CKAP5: variants seen among roughly 807,000 people sequenced by gnomAD.
CKAP5 encodes the protein cytoskeleton-associated protein 5.
A neutral mutation model predicts 232.8 loss-of-function variants in CKAP5; 27 were observed. The ratio of observed to expected loss-of-function variants is 0.12; its 90% CI spans 0.09 to 0.16. The LOEUF (loss-of-function observed/expected upper bound fraction) is 0.16, where lower values mean the gene tolerates loss of function less well. Among genes scored for constraint, CKAP5 ranks in the 10% least tolerant of loss-of-function variants. The pLI, the probability that CKAP5 is intolerant of heterozygous loss-of-function variation, is 1.00. For synonymous variants in CKAP5, 785 were observed against 841.1 expected (o/e 0.93, Z 1.16); for missense variants, 1,838 against 2,424.7 (o/e 0.76, Z 5.08).
chr11:46,760,363 G>A (rs756051995), intron 33 of CKAP5: 2 of 642,442 alleles, frequency 3.1e-6, no homozygotes, highest in Non-Finnish European at 5.7e-6. Flanking sequence ...TCCTATAAGT[G>A]CGATACATAA....
chr11:46,768,944 G>A (rs1006120609), intron 26 of CKAP5, among the ~76,000 whole-genome samples: 1 of 152,040 alleles, frequency 6.6e-6, no homozygotes, highest in African/African-American at 2.4e-5. Flanking sequence ...TTTTGAGACA[G>A]AGTCTTGCTC....
At position 46,792,445 on chromosome 11, in the gene CKAP5, C is replaced by T. The variant is rs569611341; in HGVS notation, c.1651-1862G>A. ...GCAGGTGCCTTTAATCCTAGCTACT[C>T]GGGAGGCTGAGGCAGGAGAATCACT... On this transcript the variant is annotated intron_variant, in intron 13 of 43. Coordinates refer to ENST00000529230, the MANE Select transcript of CKAP5 (RefSeq NM_001008938.4). Among the ~76,000 whole-genome samples the T allele has an allele frequency of 1.4e-4, 22 of 151,886 alleles. No homozygotes were observed. The South Asian group carries it at 4.6e-3, about 32-fold the overall frequency.
chr11:46,794,245 C>T (rs1170238754), intron 13 of CKAP5, among the ~76,000 whole-genome samples: 1 of 152,082 alleles, frequency 6.6e-6, no homozygotes, highest in East Asian at 1.9e-4. Flanking sequence ...TTCATTGAGC[C>T]TAGGAGTTTG....
Position 46,817,126 on chromosome 11 carries a change from A to G in CKAP5, c.252-722T>C, listed in dbSNP as rs553228212. ...TGTATCAAAAAGAAAAAAAAAAAAA[A>G]AGAGAGAGAGACAGGGTCTTGTGCT... On this transcript the variant is annotated intron_variant, in intron 3 of 43. Coordinates refer to ENST00000529230, the MANE Select transcript of CKAP5 (RefSeq NM_001008938.4). Among the ~76,000 whole-genome samples the G allele has an allele frequency of 2.4e-4, 37 of 151,470 alleles. No individual in the cohort carries two copies. In the South Asian group the frequency reaches 2.9e-3, roughly 12 times the overall value.
rs947606810 is a variant in CKAP5 at position 46,770,709 on chromosome 11, G to A, written c.3186+79C>T. 32 of 1,347,012 alleles carry A rather than the reference G, an allele frequency of 2.4e-5. No individual in the cohort carries two copies. In the African/African-American group the frequency reaches 3.2e-4, roughly 13 times the overall value. The allele number at this position is 1,347,012 out of a possible 1,614,324, so 83.4% of individuals were successfully genotyped here. ...CTCCCAAAGTGTTGGGATTACAGGCGTGAGCCACCGTGCCAGGCCCATGTT... is the reference window on the plus strand; with the variant it reads ...CTCCCAAAGTGTTGGGATTACAGGCATGAGCCACCGTGCCAGGCCCATGTT... On this transcript the variant is annotated intron_variant, in intron 25 of 43. Coordinates refer to ENST00000529230, the MANE Select transcript of CKAP5 (RefSeq NM_001008938.4).
In CKAP5 at chr11:46,763,498, G is replaced by T; in HGVS notation, c.3670C>A (p.Leu1224Ile). The change falls in exon 29 of 44, where the codon CTT becomes ATT. Residue 1224 changes from leucine to isoleucine, a missense_variant. This residue lies in a region of CKAP5 where 48 missense variants were observed against 98.1 expected (regional missense o/e 0.49). Transcript: ENST00000529230. ...AGACTTACATCAACCATAACAGCAA[G>T]GGCTTTGTTATGATGCTGAAAGTCT... ...HSDFQHHNKA[L>I]AVMVDHLESE... The T allele has an allele frequency of 1.9e-6, 3 of 1,597,486 alleles. No individual in the cohort carries two copies. Among genetic ancestry groups the T allele is most frequent in the Non-Finnish European group, 2.6e-6 (3 of 1,174,274 alleles).
At chr11:46,762,586 G>A (rs777917871) in intron 31 of CKAP5, 41 bp downstream of exon 31, 9 of 1,609,740 alleles carry the variant, frequency 5.6e-6, no homozygotes, top group Non-Finnish European at 6.8e-6. Context: ...ATAGGCTACT[G>A]CTGCAGAGAT....
intron 35 of CKAP5, among the ~76,000 whole-genome samples, chr11:46,755,837 G>A (rs899438934): frequency 2.6e-5 from 4 of 152,100 alleles, no homozygotes; most frequent in African/African-American, 9.7e-5. Context: ...GCTGAGGCAG[G>A]AGAATTGCTT....
At chr11:46,780,386 A>G (rs1434706680) in intron 19 of CKAP5, 42 bp downstream of exon 19, 2 of 1,613,428 alleles carry the variant, frequency 1.2e-6, no homozygotes, top group East Asian at 4.5e-5. Context: ...TTAAATCCAC[A>G]AAGATGGCAA....
At chr11:46,795,265 T>G (rs1344063082) in intron 13 of CKAP5, among the ~76,000 whole-genome samples, 2 of 151,756 alleles carry the variant, frequency 1.3e-5, no homozygotes, top group Non-Finnish European at 2.9e-5. Context: ...GAGGCGGAGG[T>G]TGCAGTGAGC....
At chr11:46,808,807 C>T (rs1939213219) in intron 7 of CKAP5, among the ~76,000 whole-genome samples, 1 of 152,176 alleles carries the variant, frequency 6.6e-6, no homozygotes. Context: ...GGAATTTCTA[C>T]ACTGACAACA....
intron 42 of CKAP5, among the ~76,000 whole-genome samples, chr11:46,747,042 C>T (rs1354466406): frequency 1.3e-5 from 2 of 152,054 alleles, no homozygotes. Flanking sequence ...GAGGCCAAGG[C>T]AAAAGAATCA....
intron 12 of CKAP5, among the ~76,000 whole-genome samples, chr11:46,796,548 G>A (rs10838620): frequency 0.64 from 97,844 of 151,984 alleles, 33,168 homozygotes; most frequent in Non-Finnish European, 0.77. Context: ...ACTATCAGTG[G>A]AGGATGAAAT....
intron 26 of CKAP5, 133 bp from the exon 27 acceptor site, chr11:46,767,796 G>GTT (rs113176495): frequency 2.8e-3 from 1,344 of 484,316 alleles, no homozygotes; most frequent in Middle Eastern, 5.5e-3. Flanking sequence ...TTTTCAGTTA[G>GTT]TTTTTTTTTT....
At position 46,763,147 on chromosome 11, in the gene CKAP5, A is replaced by T; in HGVS notation, c.3720T>A (p.Gly1240=). 1.2e-6 allele frequency: 2 copies of T among 1,613,240 alleles called. No homozygotes were observed. The highest frequency in any genetic ancestry group is 1.7e-6 in the Non-Finnish European group (2 of 1,179,476). The change falls in exon 30 of 44, where the codon GGT becomes GGA. Residue 1240 remains glycine, a synonymous_variant. Transcript: ENST00000529230. ...HLESEKEGVI[G]CLDLILKWLT... ...GCCACTTTAAGATAAGATCCAGGCA[A>T]CCAATAACTCCTTCTTTTTCACTCT...
chr11:46,774,604 G>A (rs2065276546), intron 24 of CKAP5, among the ~76,000 whole-genome samples: 1 of 152,214 alleles, frequency 6.6e-6, no homozygotes, highest in African/African-American at 2.4e-5. Flanking sequence ...CAAGGCTACA[G>A]TAACCAAAAC....
chr11:46,767,405 G>A (rs776322846), intron 27 of CKAP5, among the ~76,000 whole-genome samples, 170 bp downstream of exon 27: 2 of 152,144 alleles, frequency 1.3e-5, no homozygotes, highest in Non-Finnish European at 2.9e-5. Flanking sequence ...GGATGTCTCC[G>A]TTTTAGGACC....
intron 9 of CKAP5, among the ~76,000 whole-genome samples, chr11:46,800,611 A>T (rs1939003789): frequency 1.4e-5 from 2 of 146,604 alleles, no homozygotes; most frequent in South Asian, 4.2e-4. Flanking sequence ...ATTTGATTGG[A>T]AACAAACTTA....
At chr11:46,833,875 A>G (rs1337980991) in intron 1 of CKAP5, among the ~76,000 whole-genome samples, 2 of 150,784 alleles carry the variant, frequency 1.3e-5, no homozygotes, top group Non-Finnish European at 3.0e-5. Context: ...TATTATTATC[A>G]TCATCATTAT....
Sources: gnomAD v4.1 joint callset for allele counts (sites outside exome capture counted in the v4.1 genomes callset) on GRCh38, gnomAD v4.1.1 for gene constraint, gnomAD v4.1.1 regional missense constraint, MANE v1.5 for transcripts, NCBI Gene and HGNC (gene_info 2026-07-23, HGNC 2026-07-21) for gene names.